The following OTOL1 variants were observed in gnomAD, a reference collection of about 807,000 sequenced individuals.
OTOL1 encodes otolin 1.
OTOL1 carries 31 observed loss-of-function variants against 25.0 expected under a neutral mutation model. The ratio of observed to expected loss-of-function variants is 1.24; its 90% CI spans 0.93 to 1.67. The LOEUF is 1.67. Ranked by LOEUF, OTOL1 falls within the 40% of genes most tolerant of loss-of-function variation. The pLI, the probability that OTOL1 is intolerant of heterozygous loss-of-function variation, is 0.00. For missense variants in OTOL1, 654 were observed against 587.7 expected, an observed-to-expected ratio of 1.11 and a Z score of -1.17; for synonymous variants, 225 against 210.3, an observed-to-expected ratio of 1.07 and a Z score of -0.61.
chr3:161,499,019 C>CT (rs1334438357), intron 1 of OTOL1, among the ~76,000 whole-genome samples, 152 bp from the exon 2 acceptor site: 2 of 152,142 alleles, frequency 1.3e-5, no homozygotes, highest in African/African-American at 2.4e-5. Context: ...AAATATTGCC[C>CT]TTAGGACTCT....
At chr3:161,501,238 A>G (rs1718968130) in intron 2 of OTOL1, among the ~76,000 whole-genome samples, 1 of 152,214 alleles carries the variant, frequency 6.6e-6, no homozygotes, top group Non-Finnish European at 1.5e-5. Flanking sequence ...GTTAATGTCA[A>G]GTAAAAATTA....
At chr3:161,499,854 C>G (rs976011211) in intron 2 of OTOL1, among the ~76,000 whole-genome samples, 1 of 152,102 alleles carries the variant, frequency 6.6e-6, no homozygotes, top group Non-Finnish European at 1.5e-5. Flanking sequence ...AGGAAATGAA[C>G]TAGATATTTA....
At chr3:161,501,713 A>G (rs1718977363) in intron 2 of OTOL1, among the ~76,000 whole-genome samples, 1 of 152,042 alleles carries the variant, frequency 6.6e-6, no homozygotes, top group Non-Finnish European at 1.5e-5. Flanking sequence ...AAACATGAAT[A>G]CATATATATA....
Position 161,502,236 on chromosome 3 carries a change from G to A in OTOL1, c.455-71G>A. 3 of 1,346,902 alleles carry A rather than the reference G, an allele frequency of 2.2e-6. No individual in the cohort carries two copies. In the South Asian group the frequency reaches 3.7e-5, roughly 17 times the overall value. 83.4% of individuals were successfully genotyped at this position (1,346,902 alleles called of 1,614,324 possible). A position where few individuals can be genotyped will look rare whatever the true frequency, so the allele number is the denominator to read the frequency against. On this transcript the variant is annotated intron_variant, in intron 2 of 3. Transcript: ENST00000327928. ...AAAGAAAACACTAGAATGTGACATG[G>A]TTGTGAGAGGAATATTAAATATATC...
chr3:161,499,048 C>T (rs1718906180), intron 1 of OTOL1, 123 bp from the exon 2 acceptor site: 2 of 781,756 alleles, frequency 2.6e-6, no homozygotes, highest in Non-Finnish European at 2.1e-6. Context: ...TATTCTTACT[C>T]AGATTTTACC....
chr3:161,499,990 C>G (rs749523751), intron 2 of OTOL1, among the ~76,000 whole-genome samples: 9 of 152,102 alleles, frequency 5.9e-5, no homozygotes, highest in Non-Finnish European at 8.8e-5. Flanking sequence ...CCAGGAAATC[C>G]CTGGTTCTGT....
chr3:161,501,362 T>C (rs1240317704), intron 2 of OTOL1, among the ~76,000 whole-genome samples: 4 of 152,150 alleles, frequency 2.6e-5, no homozygotes, highest in Admixed American at 1.3e-4. Flanking sequence ...ATTATTGTTA[T>C]GGTAATTTAT....
At chr3:161,502,150 G>A (rs1427876160) in intron 2 of OTOL1, among the ~76,000 whole-genome samples, 157 bp from the exon 3 acceptor site, 1 of 152,210 alleles carries the variant, frequency 6.6e-6, no homozygotes, top group Non-Finnish European at 1.5e-5. Context: ...TTATAGGAGT[G>A]AGCCGCCGTG....
At chr3:161,502,105 T>A (rs997924574) in intron 2 of OTOL1, among the ~76,000 whole-genome samples, 8 of 152,218 alleles carry the variant, frequency 5.3e-5, no homozygotes, top group Non-Finnish European at 1.2e-4. Flanking sequence ...TGACCTCAGG[T>A]GATCCACCCG....
chr3:161,500,826 G>T (rs1240939320), intron 2 of OTOL1, among the ~76,000 whole-genome samples: 1 of 152,132 alleles, frequency 6.6e-6, no homozygotes, highest in African/African-American at 2.4e-5. Context: ...CATGCGGAGT[G>T]GTGTTGGGGT....
chr3:161,502,568 C>A (rs114736594), intron 3 of OTOL1, among the ~76,000 whole-genome samples, 199 bp downstream of exon 3: 267 of 152,266 alleles, frequency 1.8e-3, no homozygotes, highest in African/African-American at 6.2e-3. Context: ...TATCTGTGCT[C>A]TGCTTCTCTC....
At chr3:161,497,198 T>C in intron 1 of OTOL1, 27 bp downstream of exon 1, 1 of 1,584,106 alleles carries the variant, frequency 6.3e-7, no homozygotes, top group East Asian at 2.2e-5. Context: ...GAAGTCATGT[T>C]TCTCACTTGT....
Position 161,502,358 on chromosome 3 carries a change from C to T in OTOL1, c.506C>T (p.Pro169Leu), listed in dbSNP as rs753710700. 6.1e-5 allele frequency: 99 copies of T among 1,612,950 alleles called. No individual in the cohort carries two copies. The highest frequency in any genetic ancestry group is 3.1e-4 in the South Asian group (28 of 90,860). Reference sequence around the variant, plus strand: ...GGAGTTCCAGGATACCCAGGAAAACCGGGAGCACAAGGTAGAGCATGAAAT... The same window carrying T: ...GGAGTTCCAGGATACCCAGGAAAACTGGGAGCACAAGGTAGAGCATGAAAT... ...DQGVPGYPGK[P>L]GAQGEPGPKG... The change falls in exon 3 of 4, where the codon CCG becomes CTG. Residue 169 changes from proline to leucine, a missense_variant. Transcript: ENST00000327928.
rs180889893 is a variant in OTOL1 at position 161,502,838 on chromosome 3, C to T, written c.518-188C>T. Among the ~76,000 whole-genome samples, 15 of 152,222 alleles carry T rather than the reference C, an allele frequency of 9.9e-5. No homozygotes were observed. The East Asian group carries it at 1.9e-3, about 20-fold the overall frequency. On this transcript the variant is annotated intron_variant, in intron 3 of 3. Transcript: ENST00000327928. ...TTTCTTGGAAACATTAACTATTCCC[C>T]TTCTAAGAGCATGGCATAATATAAA... is the stretch of plus-strand genomic sequence containing the variant.
Position 161,496,849 on chromosome 3 carries a change from G to A in OTOL1, c.42G>A (p.Leu14=). Residue 14 remains leucine (L), a synonymous_variant, in exon 1 of 4, where the codon TTG becomes TTA. Transcript: ENST00000327928. ...GGCTTTGTGCTATTTTAATTATTTTGGCTATTGCTGGTATGAACACAATAG... is the reference window on the plus strand; with the variant it reads ...GGCTTTGTGCTATTTTAATTATTTTAGCTATTGCTGGTATGAACACAATAG... ...FSWLCAILII[L]AIAGMNTIAK... is the part of the protein sequence containing the mutation. 1 of 1,597,338 alleles carries A rather than the reference G, an allele frequency of 6.3e-7. No individual in the cohort carries two copies. The highest frequency in any genetic ancestry group is 1.1e-5 in the South Asian group (1 of 87,674).
At chr3:161,502,167 G>A (rs1023067468) in intron 2 of OTOL1, 140 bp from the exon 3 acceptor site, 93 of 756,502 alleles carry the variant, frequency 1.2e-4, no homozygotes, top group South Asian at 5.9e-4. Context: ...CGTGCCTGGC[G>A]TACATTCTTT....
chr3:161,503,198 G>A lies in OTOL1; in HGVS notation c.690G>A (p.Gly230=). The change falls in exon 4 of 4, where the codon GGG becomes GGA. Residue 230 remains glycine, a synonymous_variant. Transcript: ENST00000327928. The part of the protein sequence containing the change: ...HGGPGAKGEK[G]EMGEKGEMGD... Reference sequence around the variant, plus strand: ...GGCCTGGCGCCAAGGGAGAGAAGGGGGAGATGGGGGAGAAGGGGGAGATGG... The same window carrying A: ...GGCCTGGCGCCAAGGGAGAGAAGGGAGAGATGGGGGAGAAGGGGGAGATGG... The A allele has an allele frequency of 1.4e-6, 2 of 1,445,728 alleles. No individual in the cohort carries two copies. Among genetic ancestry groups the A allele is most frequent in the South Asian group, 1.5e-5 (1 of 66,454 alleles). The allele number at this position is 1,445,728 out of a possible 1,614,324, so 89.6% of individuals were successfully genotyped here. A position where few individuals can be genotyped will look rare whatever the true frequency, so the allele number is the denominator to read the frequency against.
intron 2 of OTOL1, among the ~76,000 whole-genome samples, chr3:161,500,016 C>A (rs1485619987): frequency 6.6e-6 from 1 of 152,102 alleles, no homozygotes; most frequent in Non-Finnish European, 1.5e-5. Flanking sequence ...CTTAAAGGTA[C>A]TGAAGGAAGG....
intron 2 of OTOL1, among the ~76,000 whole-genome samples, chr3:161,500,365 A>G (rs1007011823): frequency 5.9e-5 from 9 of 152,224 alleles, no homozygotes. Flanking sequence ...GAACCTCCCC[A>G]GTGATTCATA....
Sources: gnomAD v4.1 joint callset for allele counts (sites outside exome capture counted in the v4.1 genomes callset) on GRCh38, gnomAD v4.1.1 for gene constraint, MANE v1.5 for transcripts, NCBI Gene and HGNC (gene_info 2026-07-23, HGNC 2026-07-21) for gene names.